Variants in GRM3 observed in about 807,000 individuals in gnomAD.
The protein encoded by GRM3 is glutamate metabotropic receptor 3.
Under a neutral mutation model 70.5 loss-of-function variants are expected in GRM3, and 26 were observed. The observed-to-expected ratio is 0.37, with a 90% confidence interval of 0.27 to 0.51. GRM3 has a LOEUF of 0.51. Ranked by LOEUF, GRM3 falls within the 20% of genes least tolerant of loss-of-function variation. The pLI, the probability that GRM3 is intolerant of heterozygous loss-of-function variation, is 0.93. For synonymous variants in GRM3, 443 were observed against 434.9 expected, an observed-to-expected ratio of 1.02 and a Z score of -0.23; for missense variants, 859 against 1,123.8, an observed-to-expected ratio of 0.76 and a Z score of 3.37.
intron 1 of GRM3, among the ~76,000 whole-genome samples, chr7:86,674,631 A>G (rs1794260678): frequency 6.6e-6 from 1 of 152,102 alleles, no homozygotes; most frequent in Non-Finnish European, 1.5e-5. Context: ...TGAACACCTA[A>G]AAGATATCTC....
At chr7:86,796,841 T>C (rs958125931) in intron 3 of GRM3, among the ~76,000 whole-genome samples, 2 of 152,120 alleles carry the variant, frequency 1.3e-5, no homozygotes, top group African/African-American at 4.8e-5. Flanking sequence ...AGGGACTCAA[T>C]GGGTGGTAAT....
chr7:86,821,171 G>A (rs1292049355), intron 3 of GRM3, among the ~76,000 whole-genome samples: 1 of 123,124 alleles, frequency 8.1e-6, no homozygotes, highest in African/African-American at 4.4e-5. Flanking sequence ...GCTGAATAAA[G>A]GGTTTTTTTT....
Position 86,722,793 on chromosome 7 carries a change from C to T in GRM3, c.-140-42213C>T, listed in dbSNP as rs558092103. On this transcript the variant is annotated intron_variant, in intron 1 of 5. Transcript: ENST00000361669. ...AAGCAAAAAAAGAAAAATGACTTAT[C>T]TAGCAAATTTGAGAACAACTCCTCT... Among the ~76,000 whole-genome samples the T allele has an allele frequency of 7.2e-5, 11 of 152,154 alleles. No homozygotes were observed. In the South Asian group the frequency reaches 2.3e-3, roughly 32 times the overall value.
intron 2 of GRM3, among the ~76,000 whole-genome samples, chr7:86,771,453 C>G (rs1195463170): frequency 1.3e-5 from 2 of 151,950 alleles, no homozygotes; most frequent in African/African-American, 2.4e-5. Context: ...ATTTACCTAT[C>G]TATTATAACT....
At chr7:86,840,040 G>T in intron 4 of GRM3, 135 bp downstream of exon 4, 1 of 619,854 alleles carries the variant, frequency 1.6e-6, no homozygotes, top group Non-Finnish European at 2.8e-6. Context: ...CCTGTATATT[G>T]TATGTTAAAA....
At chr7:86,652,912 T>C (rs946552068) in intron 1 of GRM3, among the ~76,000 whole-genome samples, 1 of 152,198 alleles carries the variant, frequency 6.6e-6, no homozygotes. Flanking sequence ...GAATGTCATA[T>C]AGATTGAAGT....
chr7:86,682,237 A>G (rs1320083388), intron 1 of GRM3, among the ~76,000 whole-genome samples: 2 of 152,192 alleles, frequency 1.3e-5, no homozygotes, highest in African/African-American at 4.8e-5. Context: ...AAAGGATCAT[A>G]AGTATGTAAA....
intron 5 of GRM3, among the ~76,000 whole-genome samples, chr7:86,852,079 T>A (rs1295829456): frequency 6.6e-6 from 1 of 152,214 alleles, no homozygotes; most frequent in African/African-American, 2.4e-5. Flanking sequence ...TCACACACTT[T>A]AAAAATGGCA....
At chr7:86,863,915 T>C (rs1799008483) in intron 5 of GRM3, among the ~76,000 whole-genome samples, 1 of 152,204 alleles carries the variant, frequency 6.6e-6, no homozygotes, top group Non-Finnish European at 1.5e-5. Flanking sequence ...GGTTGCAAAC[T>C]AATTTGGAGC....
intron 1 of GRM3, among the ~76,000 whole-genome samples, chr7:86,722,161 C>G (rs1248845966): frequency 6.6e-6 from 1 of 152,068 alleles, no homozygotes; most frequent in Non-Finnish European, 1.5e-5. Flanking sequence ...TTCCCACCAC[C>G]AGCAACTTTG....
rs576804637 is a variant in GRM3, at chr7:86,694,239, A to G, written c.-141+49367A>G. 1.2e-4 allele frequency among the ~76,000 whole-genome samples: 19 copies of G among 152,248 alleles called. No individual in the cohort carries two copies. In the South Asian group the frequency reaches 3.9e-3, roughly 32 times the overall value. The stretch of plus-strand genomic sequence containing the variant: ...ACAAACTCATTCTTAAAAATCAAAG[A>G]GAAAGGCCGGGCGTGGTGGCTCACG... On this transcript the variant is annotated intron_variant, in intron 1 of 5. Coordinates refer to ENST00000361669, the MANE Select transcript of GRM3 (RefSeq NM_000840.3).
At position 86,797,988 on chromosome 7, in the gene GRM3, C is replaced by T. The variant is rs76970578; in HGVS notation, c.1324+10872C>T. Among the ~76,000 whole-genome samples the T allele has an allele frequency of 1.3e-3, 199 of 152,280 alleles. 1 individual carries two copies. The highest frequency in any genetic ancestry group is 2.4e-3 in the Non-Finnish European group (163 of 68,036). ...TTGGTGACTTACACATGATGTTGGG[C>T]CTGCATGTGCACAGAAGACAATAAT... On this transcript the variant is annotated intron_variant, in intron 3 of 5. Coordinates refer to ENST00000361669, the MANE Select transcript of GRM3 (RefSeq NM_000840.3).
At chr7:86,700,558 G>A (rs1030242144) in intron 1 of GRM3, among the ~76,000 whole-genome samples, 2 of 151,904 alleles carry the variant, frequency 1.3e-5, no homozygotes, top group African/African-American at 4.8e-5. Flanking sequence ...GTCTTGGAAT[G>A]TGTTTTCTAC....
At chr7:86,771,022 T>C (rs1796725681) in intron 2 of GRM3, among the ~76,000 whole-genome samples, 1 of 152,128 alleles carries the variant, frequency 6.6e-6, no homozygotes, top group Admixed American at 6.6e-5. Flanking sequence ...GTTACAAAAT[T>C]ATCCCCTTTC....
intron 3 of GRM3, among the ~76,000 whole-genome samples, chr7:86,792,009 C>G (rs754963579): frequency 1.1e-4 from 17 of 152,144 alleles, no homozygotes; most frequent in Admixed American, 3.3e-4. Context: ...AATTTTCAAA[C>G]TTACTTTGAG....
chr7:86,848,203 A>G (rs764378573), intron 4 of GRM3, among the ~76,000 whole-genome samples: 11 of 152,174 alleles, frequency 7.2e-5, no homozygotes, highest in Non-Finnish European at 1.5e-4. Context: ...ATTAAAATAT[A>G]TAGTCCTATG....
At position 86,785,986 on chromosome 7, in the gene GRM3, C is replaced by G. The variant is rs1176511886; in HGVS notation, c.469-275C>G. On this transcript the variant is annotated intron_variant, in intron 2 of 5. Transcript: ENST00000361669. ...GGTTTTATCCTAGTCTAGAGTCTAG[C>G]ACAGAGTATAGAAGAGAGTGTGGTG... is the stretch of plus-strand genomic sequence containing the variant. 3 of 355,100 alleles carry G rather than the reference C, an allele frequency of 8.4e-6. No individual in the cohort carries two copies. The East Asian group carries it at 1.8e-4, about 21-fold the overall frequency. The allele number at this position is 355,100 out of a possible 1,614,324, so 22.0% of individuals were successfully genotyped here. A position where few individuals can be genotyped will look rare whatever the true frequency, so the allele number is the denominator to read the frequency against.
intron 2 of GRM3, among the ~76,000 whole-genome samples, chr7:86,778,578 T>G (rs1158753224): frequency 6.6e-6 from 1 of 152,186 alleles, no homozygotes; most frequent in Non-Finnish European, 1.5e-5. Flanking sequence ...TGACTGATAT[T>G]TTCCAGTTCA....
intron 2 of GRM3, among the ~76,000 whole-genome samples, chr7:86,782,296 G>A (rs2116513511): frequency 6.7e-6 from 1 of 150,346 alleles, no homozygotes; most frequent in East Asian, 1.9e-4. Context: ...ATTCATTACT[G>A]GGGACAAACT....
Sources: gnomAD v4.1 joint callset for allele counts (sites outside exome capture counted in the v4.1 genomes callset) on GRCh38, gnomAD v4.1.1 for gene constraint, MANE v1.5 for transcripts, NCBI Gene and HGNC (gene_info 2026-07-23, HGNC 2026-07-21) for gene names.